The following PRDM16 variants were observed in gnomAD, a reference collection of about 807,000 sequenced individuals.
PRDM16 encodes the protein histone-lysine N-methyltransferase PRDM16.
PRDM16 carries 23 observed loss-of-function variants against 110.6 expected under a neutral mutation model. That is an observed-to-expected ratio of 0.21 (90% CI 0.15 to 0.29). PRDM16 has a LOEUF of 0.29. Among genes scored for constraint, PRDM16 ranks in the 10% least tolerant of loss-of-function variants. The probability of loss-of-function intolerance (pLI) is 1.00; values close to 1 mark genes in which losing one functional copy is unlikely to be tolerated. For synonymous variants in PRDM16, 799 were observed against 781.8 expected (o/e 1.02, Z -0.37); for missense variants, 1,615 against 1,794.3 (o/e 0.90, Z 1.81).
intron 3 of PRDM16, among the ~76,000 whole-genome samples, chr1:3,317,803 A>C (rs77828565): frequency 6.6e-6 from 1 of 152,258 alleles, no homozygotes. Context: ...CTTTTAATAG[A>C]GACCCAGAAA....
rs567086191 is a variant in PRDM16, at chr1:3,243,757, C to G, written c.388-330C>G. ...TGGTTCTCATAAATAATATGAATGGCTCACCTTGAGACGCCTTGACCTGGG... is the reference window on the plus strand; with the variant it reads ...TGGTTCTCATAAATAATATGAATGGGTCACCTTGAGACGCCTTGACCTGGG... On this transcript the variant is annotated intron_variant, in intron 2 of 16. Coordinates refer to ENST00000270722, the MANE Select transcript of PRDM16 (RefSeq NM_022114.4). This position sits in a 1 kb window ranked among gnomAD's most constrained non-coding sequence, Gnocchi z 5.5. Among the ~76,000 whole-genome samples the G allele has an allele frequency of 6.6e-6, 1 of 152,348 alleles. No homozygotes were observed. Among genetic ancestry groups the G allele is most frequent in the South Asian group, 2.1e-4 (1 of 4,830 alleles).
chr1:3,281,660 T>G (rs1413339596), intron 3 of PRDM16, among the ~76,000 whole-genome samples: 1 of 152,164 alleles, frequency 6.6e-6, no homozygotes, highest in African/African-American at 2.4e-5. Flanking sequence ...GGTTCATTGA[T>G]GAGCTATGGT....
chr1:3,249,040 C>T (rs1252368505), intron 3 of PRDM16, among the ~76,000 whole-genome samples: 1 of 152,234 alleles, frequency 6.6e-6, no homozygotes, highest in Non-Finnish European at 1.5e-5. Flanking sequence ...GCTGGGACCT[C>T]GCTGGGACTC....
intron 10 of PRDM16, 116 bp from the exon 11 acceptor site, chr1:3,417,712 C>A: frequency 1.1e-6 from 1 of 872,366 alleles, no homozygotes; most frequent in Non-Finnish European, 1.9e-6. Context: ...CCATTGCTTC[C>A]AGTGCCCACC....
At chr1:3,311,602 TCAA>T (rs1250174076) in intron 3 of PRDM16, among the ~76,000 whole-genome samples, 2 of 152,152 alleles carry the variant, frequency 1.3e-5, no homozygotes, top group Non-Finnish European at 2.9e-5. Context: ...CCTGACCTAA[TCAA>T]CAGGGAAACC....
At chr1:3,423,908 A>C (rs1638511021) in intron 12 of PRDM16, among the ~76,000 whole-genome samples, 1 of 152,258 alleles carries the variant, frequency 6.6e-6, no homozygotes, top group Non-Finnish European at 1.5e-5. Context: ...CAGAATGTTC[A>C]AGTGCGTGTG....
intron 4 of PRDM16, among the ~76,000 whole-genome samples, chr1:3,387,784 T>C (rs544131493): frequency 2.0e-5 from 3 of 152,344 alleles, no homozygotes; most frequent in East Asian, 3.9e-4. Flanking sequence ...AAAATGAGCA[T>C]TGTGTGGAAT....
rs529118759 is a variant in PRDM16 at position 3,089,073 on chromosome 1, G to A, written c.37+19777G>A. ...GCTGGGATTACAGGCGTGAGCCACC[G>A]CGCCAGTCCGAGATGCAGGGATTCT... is the stretch of plus-strand genomic sequence containing the variant. On this transcript the variant is annotated intron_variant, in intron 1 of 16. Transcript: ENST00000270722. 7.2e-5 allele frequency among the ~76,000 whole-genome samples: 11 copies of A among 152,320 alleles called. No homozygotes were observed. The East Asian group carries it at 7.7e-4, about 11-fold the overall frequency.
chr1:3,087,395 A>G (rs934574715), intron 1 of PRDM16, among the ~76,000 whole-genome samples: 11 of 152,312 alleles, frequency 7.2e-5, no homozygotes, highest in Non-Finnish European at 7.3e-5. Flanking sequence ...GGAACGCGAG[A>G]GCAGGTGGAC....
At position 3,290,982 on chromosome 1, in the gene PRDM16, GCC is replaced by G. The variant is rs1305396366; in HGVS notation, c.438+46846_438+46847del. Among the ~76,000 whole-genome samples the G allele has an allele frequency of 6.6e-6, 1 of 152,204 alleles. No homozygotes were observed. The highest frequency in any genetic ancestry group is 1.9e-4 in the East Asian group (1 of 5,166). On this transcript the variant is annotated intron_variant, in intron 3 of 16. Coordinates refer to ENST00000270722, the MANE Select transcript of PRDM16 (RefSeq NM_022114.4). The surrounding 1 kb of genome is among the most constrained non-coding windows in gnomAD (Gnocchi z 4.8). ...CTTACGATGTGATAGGAGCGGCTTG[GCC>G]TCCTGACTCCAGGGGCCTGGGAGAG...
intron 3 of PRDM16, among the ~76,000 whole-genome samples, chr1:3,316,036 G>A (rs1474016180): frequency 6.6e-6 from 1 of 152,038 alleles, no homozygotes; most frequent in Non-Finnish European, 1.5e-5. Context: ...GTTGGACAGG[G>A]GCTGGGCCTT....
At chr1:3,347,440 G>A (rs921742498) in intron 3 of PRDM16, among the ~76,000 whole-genome samples, 8 of 152,180 alleles carry the variant, frequency 5.3e-5, no homozygotes, top group South Asian at 2.1e-4. Flanking sequence ...TCCCACTGGC[G>A]AGAGCCATCC....
chr1:3,412,098 A>G lies in PRDM16; in HGVS notation c.1901A>G (p.Asp634Gly), dbSNP rs766456696. The G allele has an allele frequency of 1.3e-6, 2 of 1,585,332 alleles. No homozygotes were observed. Among genetic ancestry groups the G allele is most frequent in the African/African-American group, 1.3e-5 (1 of 74,108 alleles). ...DLDSDVDSDP[D>G]KDKGKGKSAE... ...GACAGCGACGTGGACAGCGACCCTGACAAGGACAAGGGCAAGGGCAAGTCC... is the reference window on the plus strand; with the variant it reads ...GACAGCGACGTGGACAGCGACCCTGGCAAGGACAAGGGCAAGGGCAAGTCC... Residue 634 changes from aspartate (D) to glycine (G), a missense_variant, in exon 9 of 17, where the codon GAC becomes GGC. Asp to Gly is a moderately conservative substitution (Grantham distance 94, BLOSUM62 -1). This residue lies in a region of PRDM16 where 772 missense variants were observed against 748.3 expected (regional missense o/e 1.03). Coordinates refer to ENST00000270722, the MANE Select transcript of PRDM16 (RefSeq NM_022114.4).
At chr1:3,264,231 G>A (rs1242201750) in intron 3 of PRDM16, among the ~76,000 whole-genome samples, 2 of 152,208 alleles carry the variant, frequency 1.3e-5, no homozygotes, top group East Asian at 3.8e-4. Context: ...CTCTGCGGAG[G>A]GGCCTTAAGG....
Position 3,425,867 on chromosome 1 carries a change from C to A in PRDM16, c.3109+117C>A, listed in dbSNP as rs1638589091. On this transcript the variant is annotated intron_variant, in intron 13 of 16. Transcript: ENST00000270722. The surrounding 1 kb of genome is among the most constrained non-coding windows in gnomAD (Gnocchi z 6.9). ...GCAGGGAAGAGGGCCACAGACTACC[C>A]CTCAGGAAGCCAACAGGCACCCCTC... The A allele has an allele frequency of 3.7e-6, 5 of 1,341,466 alleles. No homozygotes were observed. The highest frequency in any genetic ancestry group is 5.1e-6 in the Non-Finnish European group (5 of 975,498). The allele number at this position is 1,341,466 out of a possible 1,614,324, so 83.1% of individuals were successfully genotyped here.
chr1:3,111,083 G>A (rs1220641735), intron 1 of PRDM16, among the ~76,000 whole-genome samples: 1 of 152,152 alleles, frequency 6.6e-6, no homozygotes, highest in East Asian at 1.9e-4. Flanking sequence ...GGAAGCTGGA[G>A]GTGGGAGGCT....
At chr1:3,306,502 C>T (rs1480286287) in intron 3 of PRDM16, 1 of 152,196 alleles carries the variant, frequency 6.6e-6, no homozygotes, top group Non-Finnish European at 1.5e-5. Context: ...GCCACGTGGA[C>T]ACAGACAGAC....
intron 2 of PRDM16, among the ~76,000 whole-genome samples, chr1:3,221,381 T>G (rs1639147324): frequency 6.6e-6 from 1 of 152,182 alleles, no homozygotes; most frequent in African/African-American, 2.4e-5. Context: ...ATCATGTACG[T>G]GGGACTTTTT....
chr1:3,158,088 C>T (rs1643871859), intron 1 of PRDM16, among the ~76,000 whole-genome samples: 1 of 152,202 alleles, frequency 6.6e-6, no homozygotes, highest in African/African-American at 2.4e-5. Flanking sequence ...TATAGATAGA[C>T]ACACATAAAT....
Sources: allele counts gnomAD v4.1 joint callset (sites outside exome capture counted in the v4.1 genomes callset), GRCh38; gene constraint gnomAD v4.1.1; regional missense constraint gnomAD v4.1.1; non-coding constraint Gnocchi (gnomAD v3.1); transcripts MANE v1.5; gene names NCBI Gene and HGNC (gene_info 2026-07-23, HGNC 2026-07-21).